The following NFIC variants were observed in gnomAD, a reference collection of about 807,000 sequenced individuals.
The protein encoded by NFIC is nuclear factor 1 C-type.
In NFIC, 12 loss-of-function variants were observed where a neutral mutation model predicts 54.4. The observed-to-expected ratio is 0.22, with a 90% CI of 0.14 to 0.36. NFIC has a LOEUF of 0.36. Ranked by LOEUF, NFIC falls within the 10% of genes least tolerant of loss-of-function variation. The pLI is 1.00. For synonymous variants in NFIC, 322 were observed against 319.2 expected (o/e 1.01, Z -0.09); for missense variants, 575 against 718.2 (o/e 0.80, Z 2.28).
chr19:3,377,153 C>G (rs2081121840), intron 1 of NFIC, among the ~76,000 whole-genome samples: 1 of 150,378 alleles, frequency 6.6e-6, no homozygotes, highest in Non-Finnish European at 1.5e-5. Flanking sequence ...ACAGTGAACC[C>G]CCGTCTCTAC....
At position 3,463,792 on chromosome 19, in the gene NFIC, C is replaced by T. The variant is rs1010784872; in HGVS notation, c.*1023C>T. On this transcript the variant is annotated 3_prime_UTR_variant, in exon 11 of 11. Coordinates refer to ENST00000443272, the MANE Select transcript of NFIC (RefSeq NM_001245002.2). ...GAGTTGGGGGTGCCCGTCTGGAGCG[C>T]CCCCGTCAGCCCCTGGCGGTGGGAG... The T allele has an allele frequency of 5.1e-6, 5 of 985,140 alleles. No individual in the cohort carries two copies. Among genetic ancestry groups the T allele is most frequent in the Non-Finnish European group, 6.0e-6 (5 of 829,870 alleles). 61.0% of individuals were successfully genotyped at this position (985,140 alleles called of 1,614,324 possible).
chr19:3,379,453 C>G (rs940788072), intron 1 of NFIC, among the ~76,000 whole-genome samples: 2 of 151,732 alleles, frequency 1.3e-5, no homozygotes, highest in African/African-American at 4.8e-5. Flanking sequence ...CTCCTGGGTT[C>G]TCCTGCCTCA....
chr19:3,400,498 T>C (rs575580200), intron 2 of NFIC, among the ~76,000 whole-genome samples: 4 of 151,780 alleles, frequency 2.6e-5, no homozygotes, highest in African/African-American at 7.2e-5. Flanking sequence ...AATTCTGCCC[T>C]CGTGGAACTC....
intron 2 of NFIC, among the ~76,000 whole-genome samples, chr19:3,393,099 C>T (rs1267051354): frequency 2.0e-5 from 3 of 152,112 alleles, no homozygotes; most frequent in African/African-American, 4.8e-5. Context: ...CGCCACCACA[C>T]CCAGCTAATT....
intron 3 of NFIC, among the ~76,000 whole-genome samples, chr19:3,430,942 A>AAAAAAAAAAAG (rs1555754659): frequency 2.0e-5 from 3 of 151,136 alleles, no homozygotes; most frequent in African/African-American, 4.9e-5. Flanking sequence ...AAAAAAAAAA[A>AAAAAAAAAAAG]AAAAGAAAAG....
chr19:3,368,240 G>T (rs1366685148), intron 1 of NFIC, among the ~76,000 whole-genome samples: 1 of 152,222 alleles, frequency 6.6e-6, no homozygotes, highest in Non-Finnish European at 1.5e-5. Context: ...GGAGGGCTGA[G>T]CGGAGGGGAG....
rs1160463134 is a variant in NFIC at position 3,427,839 on chromosome 19, A to G, written c.634+2662A>G. Among the ~76,000 whole-genome samples the G allele has an allele frequency of 1.4e-4, 20 of 147,664 alleles. No individual in the cohort carries two copies. The Admixed American group carries it at 1.4e-3, about 10-fold the overall frequency. On this transcript the variant is annotated intron_variant, in intron 3 of 10. Coordinates refer to ENST00000443272, the MANE Select transcript of NFIC (RefSeq NM_001245002.2). ...AAAAAAAAAAAAAAAAAAGAAGAAG[A>G]AGAAAGAAGGAAAGAAAGAAAGAAA...
intron 1 of NFIC, among the ~76,000 whole-genome samples, chr19:3,380,265 A>G (rs1490996510): frequency 2.0e-5 from 3 of 149,030 alleles, no homozygotes; most frequent in Non-Finnish European, 1.5e-5. Flanking sequence ...TGGCCTCCCA[A>G]AGTGCTGGGA....
In NFIC at chr19:3,372,273, G is replaced by A. The variant is rs368080852; in HGVS notation, c.30+5607G>A. On this transcript the variant is annotated intron_variant, in intron 1 of 10. Transcript: ENST00000443272. Reference sequence around the variant, plus strand: ...TGACCTCAGGTGATCCACCTGCCTCGGCCTCCCAAAGTGCTGGGATTACAG... The same window carrying A: ...TGACCTCAGGTGATCCACCTGCCTCAGCCTCCCAAAGTGCTGGGATTACAG... Among the ~76,000 whole-genome samples, 20 of 151,978 alleles carry A rather than the reference G, an allele frequency of 1.3e-4. No homozygotes were observed. The East Asian group carries it at 1.8e-3, about 13-fold the overall frequency.
At position 3,452,404 on chromosome 19, in the gene NFIC, A is replaced by G. The variant is rs939238183; in HGVS notation, c.1085-78A>G. The G allele has an allele frequency of 2.6e-6, 4 of 1,550,950 alleles. No individual in the cohort carries two copies. In the African/African-American group the frequency reaches 5.4e-5, roughly 21 times the overall value. The stretch of plus-strand genomic sequence containing the variant: ...TGAGATGCCGGCAGGAATGACACCC[A>G]CAGACACACAGTCACACGGTCACAG... On this transcript the variant is annotated intron_variant, in intron 7 of 10. Transcript: ENST00000443272. The surrounding 1 kb of genome is among the most constrained non-coding windows in gnomAD (Gnocchi z 5.3).
chr19:3,421,982 G>A (rs893420030), intron 2 of NFIC, among the ~76,000 whole-genome samples: 1 of 152,046 alleles, frequency 6.6e-6, no homozygotes, highest in Non-Finnish European at 1.5e-5. Context: ...TGCCCAGGCT[G>A]GAGTGCAATA....
intron 2 of NFIC, among the ~76,000 whole-genome samples, chr19:3,410,114 C>A (rs886839827): frequency 3.9e-5 from 6 of 152,072 alleles, no homozygotes; most frequent in African/African-American, 1.4e-4. Context: ...GATCTCGGCT[C>A]ACTGCAAGCT....
At chr19:3,394,513 T>TCCCCCCCCCCCCCCCCCCCCCCCCCCC (rs1192475558) in intron 2 of NFIC, among the ~76,000 whole-genome samples, 1 of 9,002 alleles carries the variant, frequency 1.1e-4, no homozygotes, top group African/African-American at 3.9e-4. Context: ...TTATGATCTT[T>TCCCCCCCCCCCCCCCCCCCCCCCCCCC]TCCCCACCCA....
Position 3,366,635 on chromosome 19 carries a change from G to A in NFIC, c.-2G>A, listed in dbSNP as rs751158950. Reference sequence around the variant, plus strand: ...GGCCCTGCGCCTCCCGCCGCGCCCGGGATGTATTCGTCCCCGCTCTGCCTC... The same window carrying A: ...GGCCCTGCGCCTCCCGCCGCGCCCGAGATGTATTCGTCCCCGCTCTGCCTC... On this transcript the variant is annotated 5_prime_UTR_variant, in exon 1 of 11. Transcript: ENST00000443272. 1 of 1,499,066 alleles carries A rather than the reference G, an allele frequency of 6.7e-7. No homozygotes were observed. The highest frequency in any genetic ancestry group is 1.3e-5 in the South Asian group (1 of 76,716). The allele number at this position is 1,499,066 out of a possible 1,614,324, so 92.9% of individuals were successfully genotyped here.
intron 9 of NFIC, among the ~76,000 whole-genome samples, chr19:3,454,594 C>T (rs954948845): frequency 3.9e-5 from 6 of 152,054 alleles, no homozygotes; most frequent in African/African-American, 7.2e-5. Context: ...CCCATTCGTC[C>T]GCAGTGGCTC....
At position 3,462,871 on chromosome 19, in the gene NFIC, C is replaced by A; in HGVS notation, c.*102C>A. 6.9e-6 allele frequency: 11 copies of A among 1,602,656 alleles called. No individual in the cohort carries two copies. The highest frequency in any genetic ancestry group is 9.3e-6 in the Non-Finnish European group (11 of 1,176,588). Reference sequence around the variant, plus strand: ...GTTTTCGGTGGAAAATTAGAGTGAACAAGAACACCCCTGCCGACTCCCAGC... The same window carrying A: ...GTTTTCGGTGGAAAATTAGAGTGAAAAAGAACACCCCTGCCGACTCCCAGC... On this transcript the variant is annotated 3_prime_UTR_variant, in exon 11 of 11. Coordinates refer to ENST00000443272, the MANE Select transcript of NFIC (RefSeq NM_001245002.2).
intron 2 of NFIC, among the ~76,000 whole-genome samples, chr19:3,421,013 G>A (rs58505526): frequency 0.097 from 14,826 of 152,210 alleles, 1,074 homozygotes; most frequent in African/African-American, 0.2. Context: ...GTGAGCCACC[G>A]CGCCCAGCCA....
In NFIC at chr19:3,370,923, C is replaced by T. The variant is rs2080996528; in HGVS notation, c.30+4257C>T. Among the ~76,000 whole-genome samples, 1 of 152,220 alleles carries T rather than the reference C, an allele frequency of 6.6e-6. No homozygotes were observed. Among genetic ancestry groups the T allele is most frequent in the Non-Finnish European group, 1.5e-5 (1 of 68,050 alleles). On this transcript the variant is annotated intron_variant, in intron 1 of 10. Coordinates refer to ENST00000443272, the MANE Select transcript of NFIC (RefSeq NM_001245002.2). This position sits in a 1 kb window ranked among gnomAD's most constrained non-coding sequence, Gnocchi z 5.2. ...GCACACAGCGTGCGGGCACCCAAGTCCTGACCAGTTCACATCCATGAGCAC... is the reference window on the plus strand; with the variant it reads ...GCACACAGCGTGCGGGCACCCAAGTTCTGACCAGTTCACATCCATGAGCAC...
At chr19:3,360,050 C>A (rs1420967864) in intron 1 of NFIC, among the ~76,000 whole-genome samples, 1 of 148,406 alleles carries the variant, frequency 6.7e-6, no homozygotes, top group East Asian at 2.0e-4. Flanking sequence ...GCCCTGGGCG[C>A]ACGACCCCCG....
Sources: allele counts gnomAD v4.1 joint callset (sites outside exome capture counted in the v4.1 genomes callset), GRCh38; gene constraint gnomAD v4.1.1; non-coding constraint Gnocchi (gnomAD v3.1); transcripts MANE v1.5; gene names NCBI Gene and HGNC (gene_info 2026-07-23, HGNC 2026-07-21).